The following ITCH variants were observed in gnomAD, a reference collection of about 807,000 sequenced individuals.
ITCH encodes the protein itchy E3 ubiquitin protein ligase, also known as E3 ubiquitin-protein ligase Itchy homolog.
In ITCH, 28 loss-of-function variants were observed where a neutral mutation model predicts 126.8. The ratio of observed to expected loss-of-function variants is 0.22; its 90% CI spans 0.16 to 0.30. The LOEUF is 0.30. Among genes scored for constraint, ITCH ranks in the 10% least tolerant of loss-of-function variants. The pLI is 1.00. For missense variants in ITCH, 631 were observed against 1,032.4 expected (o/e 0.61, Z 5.33); for synonymous variants, 342 against 340.0 (o/e 1.01, Z -0.06).
At chr20:34,504,667 A>T (rs1990510381) in intron 24 of ITCH, among the ~76,000 whole-genome samples, 1 of 152,204 alleles carries the variant, frequency 6.6e-6, no homozygotes, top group South Asian at 2.1e-4. Context: ...AGCAAAAGAA[A>T]GTTAGGAGAC....
chr20:34,464,205 G>T (rs2146384982), intron 14 of ITCH, among the ~76,000 whole-genome samples: 1 of 150,990 alleles, frequency 6.6e-6, no homozygotes, highest in East Asian at 1.9e-4. Context: ...AGCCAGGATG[G>T]TCTTGATCTC....
chr20:34,481,319 T>G, intron 20 of ITCH, 113 bp downstream of exon 20: 1 of 1,166,220 alleles, frequency 8.6e-7, no homozygotes, highest in Non-Finnish European at 1.3e-6. Flanking sequence ...TCTGTACTAA[T>G]CAATATCCTA....
At chr20:34,365,019 G>C (rs1178186916) in intron 1 of ITCH, among the ~76,000 whole-genome samples, 5 of 151,840 alleles carry the variant, frequency 3.3e-5, no homozygotes, top group African/African-American at 7.2e-5. Context: ...GGGCAACATC[G>C]TGAAACCCCG....
intron 3 of ITCH, among the ~76,000 whole-genome samples, chr20:34,401,878 A>G (rs1378175959): frequency 2.6e-5 from 4 of 152,080 alleles, no homozygotes; most frequent in Non-Finnish European, 5.9e-5. Context: ...AAATACATAT[A>G]TATATCTTGA....
intron 23 of ITCH, among the ~76,000 whole-genome samples, chr20:34,495,292 A>AC (rs1284427410): frequency 1.2e-5 from 1 of 83,000 alleles, no homozygotes; most frequent in Non-Finnish European, 2.6e-5. Flanking sequence ...ATAAATAAAT[A>AC]AAATATATAT....
intron 2 of ITCH, among the ~76,000 whole-genome samples, chr20:34,389,104 C>A (rs1423841218): frequency 6.6e-6 from 1 of 152,120 alleles, no homozygotes; most frequent in African/African-American, 2.4e-5. Context: ...AAAAGTCCTT[C>A]CCATAGACTT....
At chr20:34,454,752 C>G (rs1310070272) in intron 12 of ITCH, among the ~76,000 whole-genome samples, 1 of 150,832 alleles carries the variant, frequency 6.6e-6, no homozygotes, top group African/African-American at 2.4e-5. Flanking sequence ...TGGCCTAAAA[C>G]TGATCCAGAT....
chr20:34,486,660 A>ATTTAT (rs1309216651), intron 20 of ITCH, among the ~76,000 whole-genome samples: 4 of 123,484 alleles, frequency 3.2e-5, no homozygotes, highest in Non-Finnish European at 7.3e-5. Flanking sequence ...TCACTATTTT[A>ATTTAT]TTTATTTTAT....
intron 12 of ITCH, chr20:34,454,273 GACT>G (rs1341683965): frequency 6.6e-6 from 1 of 151,422 alleles, no homozygotes; most frequent in Non-Finnish European, 1.5e-5. Context: ...GAGTAGCTGG[GACT>G]ACAGGCGCCC....
At chr20:34,427,715 A>G (rs540191047) in intron 7 of ITCH, among the ~76,000 whole-genome samples, 1 of 152,214 alleles carries the variant, frequency 6.6e-6, no homozygotes, top group Non-Finnish European at 1.5e-5. Context: ...TATATTTAGT[A>G]GAAGATTTCT....
At chr20:34,436,220 G>A (rs1982985963) in intron 7 of ITCH, among the ~76,000 whole-genome samples, 1 of 152,134 alleles carries the variant, frequency 6.6e-6, no homozygotes, top group Non-Finnish European at 1.5e-5. Context: ...CACTGAATGT[G>A]CAATTTAGTA....
chr20:34,364,890 CAAAAAAAAA>C (rs1234445956), intron 1 of ITCH, among the ~76,000 whole-genome samples: 1 of 42,492 alleles, frequency 2.4e-5, no homozygotes, highest in African/African-American at 9.1e-5. Context: ...GACTCCGCCT[CAAAAAAAAA>C]AAAAAAAAAA....
chr20:34,468,891 A>G (rs919015585), intron 14 of ITCH, among the ~76,000 whole-genome samples: 1 of 152,236 alleles, frequency 6.6e-6, no homozygotes, highest in Admixed American at 6.5e-5. Flanking sequence ...ACGTTTGTAT[A>G]CAGAAAATCA....
chr20:34,457,410 G>T lies in ITCH; in HGVS notation c.1231G>T (p.Gly411Cys). Residue 411 changes from glycine to cysteine, a missense_variant, in exon 13 of 25, where the codon GGC becomes TGC. This residue lies in a region of ITCH where 390 missense variants were observed against 731.6 expected (regional missense o/e 0.53). Transcript: ENST00000374864. ...CAAAGAGAAGAGAACAGACAGCAAT[G>T]GCAGAGTATATTTCGTCAACCACAA... ...PGWEKRTDSN[G>C]RVYFVNHNTR... 6.2e-7 allele frequency: 1 copy of T among 1,613,672 alleles called. No homozygotes were observed. The highest frequency in any genetic ancestry group is 8.5e-7 in the Non-Finnish European group (1 of 1,179,696).
chr20:34,470,007 A>T, intron 14 of ITCH, 41 bp from the exon 15 acceptor site: 1 of 1,504,138 alleles, frequency 6.6e-7, no homozygotes, highest in South Asian at 1.1e-5. Flanking sequence ...TATCTTTTAC[A>T]AGCAGCTATA....
At chr20:34,445,141 T>G (rs939831746) in intron 10 of ITCH, 146 bp from the exon 11 acceptor site, 1 of 918,290 alleles carries the variant, frequency 1.1e-6, no homozygotes, top group African/African-American at 1.7e-5. Context: ...TTTAGAAACA[T>G]TTCTCTTAAG....
intron 6 of ITCH, among the ~76,000 whole-genome samples, chr20:34,416,741 A>T (rs1979907711): frequency 6.6e-6 from 1 of 151,954 alleles, no homozygotes; most frequent in African/African-American, 2.4e-5. Flanking sequence ...GTATTTTAAA[A>T]CTAGCTGGCT....
chr20:34,384,837 T>A (rs1328852779), intron 2 of ITCH, among the ~76,000 whole-genome samples: 1 of 151,522 alleles, frequency 6.6e-6, no homozygotes, highest in East Asian at 1.9e-4. Context: ...ATTTTTTTTG[T>A]ATTTTTAGTA....
At chr20:34,462,008 T>G in intron 13 of ITCH, 85 bp from the exon 14 acceptor site, 1 of 1,336,112 alleles carries the variant, frequency 7.5e-7, no homozygotes, top group Admixed American at 1.7e-5. Context: ...ATTTCTGCTA[T>G]GTTTATTGAC....
Sources: allele counts gnomAD v4.1 joint callset (sites outside exome capture counted in the v4.1 genomes callset), GRCh38; gene constraint gnomAD v4.1.1; regional missense constraint gnomAD v4.1.1; transcripts MANE v1.5; gene names NCBI Gene and HGNC (gene_info 2026-07-23, HGNC 2026-07-21).